MAP1S: variants seen among roughly 807,000 people sequenced by gnomAD.
MAP1S encodes the protein microtubule-associated protein 1S.
Under a neutral mutation model 60.9 loss-of-function variants are expected in MAP1S, and 27 were observed. The observed-to-expected ratio is 0.44, with a 90% confidence interval of 0.33 to 0.61. The LOEUF is 0.61. MAP1S is among the 20% of genes least tolerant of loss of function. The pLI is 0.03. For synonymous variants in MAP1S, 826 were observed against 694.2 expected, an observed-to-expected ratio of 1.19 and a Z score of -2.98; for missense variants, 1,608 against 1,486.6, an observed-to-expected ratio of 1.08 and a Z score of -1.34.
rs1337539756 is a variant in MAP1S at position 17,725,939 on chromosome 19, T to C, written c.555T>C (p.Leu185=). The C allele has an allele frequency of 8.1e-6, 13 of 1,613,492 alleles. No homozygotes were observed. Among genetic ancestry groups the C allele is most frequent in the Non-Finnish European group, 1.0e-5 (12 of 1,179,844 alleles). The change falls in exon 5 of 7, where the codon CTT becomes CTC. Residue 185 remains leucine, a synonymous_variant. Coordinates refer to ENST00000324096, the MANE Select transcript of MAP1S (RefSeq NM_018174.6). This position sits in a 1 kb window ranked among gnomAD's most constrained non-coding sequence, Gnocchi z 4.2. ...AGCTGGCACCCGCTGTGCCTGGCCT[T>C]CAGGGGGCGCTCCGGCTCCAGCTGC... ...WAQLAPAVPG[L]QGALRLQLRL...
Position 17,725,009 on chromosome 19 carries a change from T to C in MAP1S, c.304-40T>C. 3 of 1,613,816 alleles carry C rather than the reference T, an allele frequency of 1.9e-6. No homozygotes were observed. Among genetic ancestry groups the C allele is most frequent in the Non-Finnish European group, 2.5e-6 (3 of 1,179,806 alleles). On this transcript the variant is annotated intron_variant, in intron 3 of 6. Coordinates refer to ENST00000324096, the MANE Select transcript of MAP1S (RefSeq NM_018174.6). The surrounding 1 kb of genome is among the most constrained non-coding windows in gnomAD (Gnocchi z 4.2). ...CAAAGAGGACTGCTGGATACGTCACTGCACAGAACGGGTCCTTTAGTGTTC... is the reference window on the plus strand; with the variant it reads ...CAAAGAGGACTGCTGGATACGTCACCGCACAGAACGGGTCCTTTAGTGTTC...
rs753686508 is a variant in MAP1S at position 17,726,370 on chromosome 19, T to G, written c.986T>G (p.Leu329Arg). The G allele has an allele frequency of 2.5e-6, 4 of 1,596,906 alleles. No homozygotes were observed. The South Asian group carries it at 3.3e-5, about 13-fold the overall frequency. ...GGSWDDRLRR[L>R]ISPNLGVVFF... is the part of the protein sequence containing the mutation. ...TCCTGGGACGACAGGCTGCGCAGGC[T>G]CATCTCCCCCAACCTGGGGGTCGTG... Residue 329 changes from leucine to arginine, a missense_variant, in exon 5 of 7, where the codon CTC (leucine) becomes CGC (arginine). By Grantham distance (102) the Leu-to-Arg change is moderately radical. Transcript: ENST00000324096.
intron 5 of MAP1S, among the ~76,000 whole-genome samples, chr19:17,731,768 C>G (rs980830227): frequency 6.6e-6 from 1 of 152,228 alleles, no homozygotes; most frequent in African/African-American, 2.4e-5. Context: ...TGGGTTCAAG[C>G]AGTTCTCCTG....
At position 17,724,144 on chromosome 19, in the gene MAP1S, A is replaced by G; in HGVS notation, c.239A>G (p.His80Arg). 6.2e-7 allele frequency: 1 copy of G among 1,613,894 alleles called. No homozygotes were observed. Among genetic ancestry groups the G allele is most frequent in the Non-Finnish European group, 8.5e-7 (1 of 1,179,962 alleles). Reference protein sequence around the residue: ...SIVKGQRSLHHRGDNLETLVL... With the variant: ...SIVKGQRSLHRRGDNLETLVL... Reference sequence around the variant, plus strand: ...CCCACAGGCCAGCGGAGCCTGCACCACCGTGGAGACAACCTGGAGACCCTG... The same window carrying G: ...CCCACAGGCCAGCGGAGCCTGCACCGCCGTGGAGACAACCTGGAGACCCTG... The change falls in exon 3 of 7, where the codon CAC becomes CGC. Residue 80 changes from histidine (H) to arginine (R), a missense_variant. Physicochemically the swap from His to Arg is conservative, Grantham distance 29. This residue lies in a region of MAP1S where 320 missense variants were observed against 393.1 expected (regional missense o/e 0.81). Coordinates refer to ENST00000324096, the MANE Select transcript of MAP1S (RefSeq NM_018174.6).
At chr19:17,731,573 G>A (rs1431437314) in intron 5 of MAP1S, among the ~76,000 whole-genome samples, 1 of 152,188 alleles carries the variant, frequency 6.6e-6, no homozygotes, top group African/African-American at 2.4e-5. Context: ...TTTCATGATT[G>A]TTTAATCTCC....
Position 17,726,435 on chromosome 19 carries a change from G to A in MAP1S, c.1051G>A (p.Gly351Ser), listed in dbSNP as rs1394169837. The A allele has an allele frequency of 1.9e-6, 3 of 1,561,124 alleles. No individual in the cohort carries two copies. Among genetic ancestry groups the A allele is most frequent in the Non-Finnish European group, 1.7e-6 (2 of 1,160,590 alleles). ...ACEAASRLAR[G>S]EDEAELALSL... ...CGAGGCCGCGTCGCGGCTGGCGCGC[G>A]GCGAGGATGAGGCGGAGCTGGCGCT... Residue 351 changes from glycine to serine, a missense_variant, in exon 5 of 7, where the codon GGC (glycine) becomes AGC (serine). Coordinates refer to ENST00000324096, the MANE Select transcript of MAP1S (RefSeq NM_018174.6).
intron 5 of MAP1S, among the ~76,000 whole-genome samples, chr19:17,729,882 C>T (rs2080477823): frequency 1.3e-5 from 2 of 152,152 alleles, no homozygotes; most frequent in Non-Finnish European, 1.5e-5. Flanking sequence ...AGGCCGGTCT[C>T]GAACTCCTGG....
At position 17,727,474 on chromosome 19, in the gene MAP1S, C is replaced by T. The variant is rs754311497; in HGVS notation, c.2090C>T (p.Ser697Phe). 48 of 1,609,336 alleles carry T rather than the reference C, an allele frequency of 3.0e-5. No homozygotes were observed. The highest frequency in any genetic ancestry group is 3.7e-5 in the Non-Finnish European group (44 of 1,178,398). Residue 697 changes from serine (S) to phenylalanine (F), a missense_variant, in exon 5 of 7, where the codon TCC (serine) becomes TTC (phenylalanine). This residue lies in a region of MAP1S where 1,167 missense variants were observed against 961.4 expected (regional missense o/e 1.21). Transcript: ENST00000324096. The surrounding 1 kb of genome is among the most constrained non-coding windows in gnomAD (Gnocchi z 4.1). The stretch of plus-strand genomic sequence containing the variant: ...CCGCACTCGACCGAGGTGGACGAGT[C>T]CCTGTCGGTGTCCTTTGAGCAGGTG... ...GSPHSTEVDE[S>F]LSVSFEQVLP...
Position 17,728,167 on chromosome 19 carries a change from C to T in MAP1S, c.2783C>T (p.Pro928Leu), listed in dbSNP as rs202071607. 43 of 1,585,912 alleles carry T rather than the reference C, an allele frequency of 2.7e-5. No homozygotes were observed. The highest frequency in any genetic ancestry group is 3.4e-4 in the Middle Eastern group (2 of 5,936). ...ACCCCCAAGACTGCCACTCGAGGCCCGTCGGGTGAGTACTGGAGCTGGGGC... is the reference window on the plus strand; with the variant it reads ...ACCCCCAAGACTGCCACTCGAGGCCTGTCGGGTGAGTACTGGAGCTGGGGC... Reference protein sequence around the residue: ...SSTPKTATRGPSGSASSRPGV... With the variant: ...SSTPKTATRGLSGSASSRPGV... Residue 928 changes from proline to leucine, a missense_variant, in exon 5 of 7, where the codon CCG (proline) becomes CTG (leucine). By Grantham distance (98) the Pro-to-Leu change is moderately conservative (BLOSUM62 -3). Around this residue, in one of 4 missense-constraint regions of MAP1S, gnomAD observed 1,167 missense variants for 961.4 expected, o/e 1.21. Coordinates refer to ENST00000324096, the MANE Select transcript of MAP1S (RefSeq NM_018174.6).
At position 17,734,256 on chromosome 19, in the gene MAP1S, C is replaced by A. The variant is rs373992846; in HGVS notation, c.3025-17C>A. ...CTGGTGGTCCACTCTCCCCACACAC[C>A]CCCCCTCCACCTGCAGGTGACCCTG... On this transcript the variant is annotated splice_polypyrimidine_tract_variant and intron_variant, in intron 6 of 6. Coordinates refer to ENST00000324096, the MANE Select transcript of MAP1S (RefSeq NM_018174.6). 3.8e-5 allele frequency: 60 copies of A among 1,598,922 alleles called. No homozygotes were observed. In the African/African-American group the frequency reaches 4.8e-4, roughly 13 times the overall value.
chr19:17,719,718 G>GCGGCGT (rs1170109144), intron 1 of MAP1S, 98 bp downstream of exon 1: 1 of 432,938 alleles, frequency 2.3e-6, no homozygotes, highest in Non-Finnish European at 3.1e-6. Flanking sequence ...GGCGGCGGCG[G>GCGGCGT]CGGGACCCGG....
Position 17,727,088 on chromosome 19 carries a change from G to C in MAP1S, c.1704G>C (p.Thr568=). 1.2e-6 allele frequency: 2 copies of C among 1,603,158 alleles called. No homozygotes were observed. The highest frequency in any genetic ancestry group is 1.7e-6 in the Non-Finnish European group (2 of 1,176,470). ...CCAAGCCCCGCAAAGCGCCCAGCACGTCCCACTCTGGCTTCCCGCCGGTGG... is the reference window on the plus strand; with the variant it reads ...CCAAGCCCCGCAAAGCGCCCAGCACCTCCCACTCTGGCTTCCCGCCGGTGG... ...AAPKPRKAPS[T]SHSGFPPVAN... Residue 568 remains threonine (T), a synonymous_variant, in exon 5 of 7, where the codon ACG becomes ACC. Transcript: ENST00000324096. This position sits in a 1 kb window ranked among gnomAD's most constrained non-coding sequence, Gnocchi z 4.1.
Position 17,728,096 on chromosome 19 carries a change from G to A in MAP1S, c.2712G>A (p.Glu904=), listed in dbSNP as rs1174579128. 7.4e-6 allele frequency: 12 copies of A among 1,612,272 alleles called. No homozygotes were observed. The highest frequency in any genetic ancestry group is 3.3e-5 in the Admixed American group (2 of 59,926). Residue 904 remains glutamate (E), a synonymous_variant, in exon 5 of 7, where the codon GAG becomes GAA. Coordinates refer to ENST00000324096, the MANE Select transcript of MAP1S (RefSeq NM_018174.6). The stretch of plus-strand genomic sequence containing the variant: ...GCCGACCACTCAGTGCCCGGAGTGA[G>A]CCCAGTGAGAAGGGAGGCCGGGCAC... ...RASRPLSARS[E]PSEKGGRAPL...
rs756202951 is a variant in MAP1S at position 17,727,228 on chromosome 19, C to A, written c.1844C>A (p.Pro615Gln). 4 of 1,565,302 alleles carry A rather than the reference C, an allele frequency of 2.6e-6. No homozygotes were observed. The South Asian group carries it at 4.6e-5, about 18-fold the overall frequency. Residue 615 changes from proline (P) to glutamine (Q), a missense_variant, in exon 5 of 7, where the codon CCG (proline) becomes CAG (glutamine). Physicochemically the swap from Pro to Gln is moderately conservative, Grantham distance 76 (BLOSUM62 -1). Around this residue, in one of 4 missense-constraint regions of MAP1S, gnomAD observed 1,167 missense variants for 961.4 expected, o/e 1.21. Coordinates refer to ENST00000324096, the MANE Select transcript of MAP1S (RefSeq NM_018174.6). The surrounding 1 kb of genome is among the most constrained non-coding windows in gnomAD (Gnocchi z 4.1). Reference protein sequence around the residue: ...LVATPSLELGPIPAGEEKALE... With the variant: ...LVATPSLELGQIPAGEEKALE... ...GCCACGCCCAGCCTGGAGCTGGGGC[C>A]GATCCCAGCCGGGGAGGAGAAGGCA... is the stretch of plus-strand genomic sequence containing the variant.
intron 2 of MAP1S, among the ~76,000 whole-genome samples, chr19:17,723,053 A>C (rs1446678588): frequency 6.7e-6 from 1 of 150,160 alleles, no homozygotes; most frequent in Non-Finnish European, 1.5e-5. Context: ...CCCCCCTCTC[A>C]CAGTACTGAT....
At position 17,720,123 on chromosome 19, in the gene MAP1S, G is replaced by A. The variant is rs375685792; in HGVS notation, c.118+503G>A. 1.9e-5 allele frequency: 24 copies of A among 1,260,058 alleles called. No homozygotes were observed. In the African/African-American group the frequency reaches 3.0e-4, roughly 16 times the overall value. The allele number at this position is 1,260,058 out of a possible 1,614,324, so 78.1% of individuals were successfully genotyped here. A position where few individuals can be genotyped will look rare whatever the true frequency, so the allele number is the denominator to read the frequency against. On this transcript the variant is annotated intron_variant, in intron 1 of 6. Coordinates refer to ENST00000324096, the MANE Select transcript of MAP1S (RefSeq NM_018174.6). ...TGCTAATTGGGGTGTGGGCGGGTGC[G>A]GCCTGCCCTGGGGATTTGGCACCTA...
At position 17,720,994 on chromosome 19, in the gene MAP1S, C is replaced by T. The variant is rs781010591; in HGVS notation, c.177C>T (p.Val59=). The T allele has an allele frequency of 1.2e-6, 2 of 1,614,102 alleles. No individual in the cohort carries two copies. The highest frequency in any genetic ancestry group is 2.2e-5 in the East Asian group (1 of 44,884). ...GVCNLDEQLK[V]FVSRHSATFS... ...GCAACCTTGATGAACAGCTCAAGGT[C>T]TTTGTGTCCCGACACTCTGCCACCT... The change falls in exon 2 of 7, where the codon GTC becomes GTT. Residue 59 remains valine, a synonymous_variant. Transcript: ENST00000324096.
chr19:17,731,608 T>C (rs2080493990), intron 5 of MAP1S, among the ~76,000 whole-genome samples: 1 of 152,244 alleles, frequency 6.6e-6, no homozygotes, highest in African/African-American at 2.4e-5. Context: ...ATTGTTCATG[T>C]ATAGAAATTC....
intron 5 of MAP1S, among the ~76,000 whole-genome samples, chr19:17,731,050 C>G (rs954681843): frequency 6.6e-6 from 1 of 151,930 alleles, no homozygotes; most frequent in Non-Finnish European, 1.5e-5. Flanking sequence ...CACCACCACA[C>G]CTGGCTAATT....
Sources: gnomAD v4.1 joint callset for allele counts (sites outside exome capture counted in the v4.1 genomes callset) on GRCh38, gnomAD v4.1.1 for gene constraint, gnomAD v4.1.1 regional missense constraint, Gnocchi (gnomAD v3.1) non-coding constraint, MANE v1.5 for transcripts, NCBI Gene and HGNC (gene_info 2026-07-23, HGNC 2026-07-21) for gene names.